Variants in LRRC58 observed in about 807,000 individuals in gnomAD.
LRRC58 encodes leucine rich repeat containing 58.
In LRRC58, 18 loss-of-function variants were observed where a neutral mutation model predicts 30.6. That is an observed-to-expected ratio of 0.59 (90% CI 0.41 to 0.87). The LOEUF (loss-of-function observed/expected upper bound fraction) is 0.87, where lower values mean the gene tolerates loss of function less well. Among genes scored for constraint, LRRC58 ranks in the 40% least tolerant of loss-of-function variants. The probability of loss-of-function intolerance (pLI) is 0.00; values close to 1 mark genes in which losing one functional copy is unlikely to be tolerated. For missense variants in LRRC58, 420 were observed against 468.4 expected (o/e 0.90, Z 0.95); for synonymous variants, 221 against 206.0 (o/e 1.07, Z -0.62).
chr3:120,324,845 TAC>T lies in LRRC58; in HGVS notation c.*6353_*6354del, dbSNP rs1350228580. 2.0e-5 allele frequency: 3 copies of T among 152,202 alleles called. No homozygotes were observed. The highest frequency in any genetic ancestry group is 4.4e-5 in the Non-Finnish European group (3 of 68,022). The allele number at this position is 152,202 out of a possible 1,614,324, so 9.4% of individuals were successfully genotyped here. A position where few individuals can be genotyped will look rare whatever the true frequency, so the allele number is the denominator to read the frequency against. ...AAATTGTTGAATCATGTTGCTGAAT[TAC>T]ACTTATTTCTACCATTAAGTTTTAC... On this transcript the variant is annotated 3_prime_UTR_variant, in exon 4 of 4. Transcript: ENST00000295628.
chr3:120,338,941 C>A (rs1421486250), intron 1 of LRRC58, among the ~76,000 whole-genome samples: 1 of 152,152 alleles, frequency 6.6e-6, no homozygotes, highest in Non-Finnish European at 1.5e-5. Context: ...CAGACTGGAG[C>A]CTAATCCAGT....
intron 1 of LRRC58, among the ~76,000 whole-genome samples, chr3:120,342,626 C>G (rs930776347): frequency 6.6e-6 from 1 of 152,212 alleles, no homozygotes; most frequent in Non-Finnish European, 1.5e-5. Context: ...CACCTGCCTA[C>G]AGAGAGGAGC....
Position 120,331,417 on chromosome 3 carries a change from A to G in LRRC58, c.908-9T>C. On this transcript the variant is annotated splice_polypyrimidine_tract_variant and intron_variant, in intron 3 of 3. Coordinates refer to ENST00000295628, the MANE Select transcript of LRRC58 (RefSeq NM_001099678.2). The stretch of plus-strand genomic sequence containing the variant: ...GCAGTCAAAGTAGACTCCTAAAGAG[A>G]AGAAGGAATAGAAAGTAATCATTAC... 1 of 1,600,236 alleles carries G rather than the reference A, an allele frequency of 6.2e-7. No individual in the cohort carries two copies.
rs1262918778 is a variant in LRRC58 at position 120,329,838 on chromosome 3, T to G, written c.*1362A>C. 6.6e-6 allele frequency: 1 copy of G among 152,084 alleles called. No individual in the cohort carries two copies. Among genetic ancestry groups the G allele is most frequent in the Non-Finnish European group, 1.5e-5 (1 of 67,922 alleles). 9.4% of individuals were successfully genotyped at this position (152,084 alleles called of 1,614,324 possible). On this transcript the variant is annotated 3_prime_UTR_variant, in exon 4 of 4. Coordinates refer to ENST00000295628, the MANE Select transcript of LRRC58 (RefSeq NM_001099678.2). Reference sequence around the variant, plus strand: ...ATTACCAGTAAGCACTTACTTTATATCAACTTATAGTTGTACTATTATTCA... The same window carrying G: ...ATTACCAGTAAGCACTTACTTTATAGCAACTTATAGTTGTACTATTATTCA...
At chr3:120,335,224 G>A in intron 2 of LRRC58, 85 bp from the exon 3 acceptor site, 1 of 1,181,924 alleles carries the variant, frequency 8.5e-7, no homozygotes, top group African/African-American at 1.5e-5. Flanking sequence ...TACAGAACTT[G>A]ATTTCCCCTT....
At chr3:120,331,495 T>G in intron 3 of LRRC58, 87 bp from the exon 4 acceptor site, 6 of 935,208 alleles carry the variant, frequency 6.4e-6, no homozygotes, top group African/African-American at 1.6e-5. Flanking sequence ...TCTGGAGAAA[T>G]GTCATACACC....
intron 3 of LRRC58, 103 bp from the exon 4 acceptor site, chr3:120,331,511 C>G: frequency 1.2e-6 from 1 of 836,012 alleles, no homozygotes; most frequent in Non-Finnish European, 2.0e-6. Context: ...ACACCATCTT[C>G]TGTTATGAAT....
chr3:120,338,689 G>A lies in LRRC58; in HGVS notation c.501-2736C>T, dbSNP rs183336840. ...CAACACAGCCAGTTTGACTAGATGA[G>A]TAGATCAGAATGACTGAGGTGGGAC... On this transcript the variant is annotated intron_variant, in intron 1 of 3. Transcript: ENST00000295628. Among the ~76,000 whole-genome samples the A allele has an allele frequency of 1.3e-4, 20 of 152,356 alleles. No homozygotes were observed. In the East Asian group the frequency reaches 1.5e-3, roughly 12 times the overall value.
rs1935755305 is a variant in LRRC58 at position 120,331,401 on chromosome 3, G to A, written c.915C>T (p.Tyr305=). 1 of 1,612,228 alleles carries A rather than the reference G, an allele frequency of 6.2e-7. No individual in the cohort carries two copies. The highest frequency in any genetic ancestry group is 8.5e-7 in the Non-Finnish European group (1 of 1,178,296). ...NCPNPKCGGV[Y]FDCCVRQIKF... is the part of the protein sequence containing the mutation. ...TAATTTGTCTGACACAGCAGTCAAA[G>A]TAGACTCCTAAAGAGAAGAAGGAAT... Residue 305 remains tyrosine, a synonymous_variant, in exon 4 of 4, where the codon TAC becomes TAT. Coordinates refer to ENST00000295628, the MANE Select transcript of LRRC58 (RefSeq NM_001099678.2).
chr3:120,335,546 T>A (rs1430679752), intron 2 of LRRC58, among the ~76,000 whole-genome samples: 1 of 152,146 alleles, frequency 6.6e-6, no homozygotes, highest in African/African-American at 2.4e-5. Flanking sequence ...AAATATAAAA[T>A]CACTAAAAGT....
At chr3:120,347,854 A>G (rs1057141254) in intron 1 of LRRC58, among the ~76,000 whole-genome samples, 5 of 152,022 alleles carry the variant, frequency 3.3e-5, no homozygotes, top group South Asian at 2.1e-4. Context: ...CCACTCCCCC[A>G]CCGGGCACTT....
chr3:120,343,387 T>A (rs1338932245), intron 1 of LRRC58, among the ~76,000 whole-genome samples: 1 of 152,220 alleles, frequency 6.6e-6, no homozygotes, highest in Non-Finnish European at 1.5e-5. Flanking sequence ...GTTGTTGAAT[T>A]TGTAGCAAAA....
At chr3:120,346,838 T>C (rs1450073966) in intron 1 of LRRC58, among the ~76,000 whole-genome samples, 1 of 152,146 alleles carries the variant, frequency 6.6e-6, no homozygotes, top group Non-Finnish European at 1.5e-5. Flanking sequence ...CTCTTCACCC[T>C]CTCCTCACTC....
At chr3:120,346,300 A>C (rs951388324) in intron 1 of LRRC58, among the ~76,000 whole-genome samples, 2 of 152,000 alleles carry the variant, frequency 1.3e-5, no homozygotes, top group African/African-American at 2.4e-5. Context: ...ACAAGCAAAA[A>C]ACCATGACCC....
intron 1 of LRRC58, among the ~76,000 whole-genome samples, chr3:120,345,845 T>G (rs1935961684): frequency 1.3e-5 from 2 of 152,190 alleles, no homozygotes; most frequent in Non-Finnish European, 2.9e-5. Flanking sequence ...AAAGACACAA[T>G]GAACAATAAA....
rs1935650992 is a variant in LRRC58 at position 120,324,790 on chromosome 3, A to G, written c.*6410T>C. 6.6e-6 allele frequency: 1 copy of G among 152,166 alleles called. No homozygotes were observed. The highest frequency in any genetic ancestry group is 1.5e-5 in the Non-Finnish European group (1 of 68,020). 9.4% of individuals were successfully genotyped at this position (152,166 alleles called of 1,614,324 possible). A position where few individuals can be genotyped will look rare whatever the true frequency, so the allele number is the denominator to read the frequency against. ...GGCAATATATAAATTTGATATTAAT[A>G]TAATAAACAATAACTTATCCTAAAT... On this transcript the variant is annotated 3_prime_UTR_variant, in exon 4 of 4. Transcript: ENST00000295628.
At position 120,348,902 on chromosome 3, in the gene LRRC58, G is replaced by A. The variant is rs1458419588; in HGVS notation, c.342C>T (p.Ala114=). The part of the protein sequence containing the change: ...GGPSALPKGL[A]QSPLCRSLQV... The stretch of plus-strand genomic sequence containing the variant: ...GGAGGCTGCGGCAGAGCGGCGACTG[G>A]GCCAGGCCCTTGGGCAGCGCACTGG... The change falls in exon 1 of 4, where the codon GCC becomes GCT. Residue 114 remains alanine, a synonymous_variant. Coordinates refer to ENST00000295628, the MANE Select transcript of LRRC58 (RefSeq NM_001099678.2). 1 of 1,573,686 alleles carries A rather than the reference G, an allele frequency of 6.4e-7. No homozygotes were observed. Among genetic ancestry groups the A allele is most frequent in the Non-Finnish European group, 8.6e-7 (1 of 1,161,194 alleles).
At position 120,349,350 on chromosome 3, in the gene LRRC58, G is replaced by T; in HGVS notation, c.-107C>A. On this transcript the variant is annotated 5_prime_UTR_variant, in exon 1 of 4. Coordinates refer to ENST00000295628, the MANE Select transcript of LRRC58 (RefSeq NM_001099678.2). ...GGAACCTGAACCGAGGGCTGAGTCG[G>T]AAGTGGCGCGGGCGGGCGCAAACCC... 1 of 1,190,018 alleles carries T rather than the reference G, an allele frequency of 8.4e-7. No homozygotes were observed. The highest frequency in any genetic ancestry group is 1.1e-6 in the Non-Finnish European group (1 of 925,476). The allele number at this position is 1,190,018 out of a possible 1,614,324, so 73.7% of individuals were successfully genotyped here.
Position 120,348,994 on chromosome 3 carries a change from C to T in LRRC58, c.250G>A (p.Gly84Arg). The T allele has an allele frequency of 6.6e-7, 1 of 1,524,654 alleles. No homozygotes were observed. Among genetic ancestry groups the T allele is most frequent in the Non-Finnish European group, 8.8e-7 (1 of 1,142,756 alleles). The allele number at this position is 1,524,654 out of a possible 1,614,324, so 94.4% of individuals were successfully genotyped here. ...DVSGNALTALGPELLALRGLR... is the reference protein window; with the variant it reads ...DVSGNALTALRPELLALRGLR... ...CCGCGCAGAGCGAGCAGCTCCGGCC[C>T]GAGCGCGGTCAACGCGTTGCCGCTC... is the stretch of plus-strand genomic sequence containing the variant. The change falls in exon 1 of 4, where the codon GGG becomes AGG. Residue 84 changes from glycine to arginine, a missense_variant. Physicochemically the swap from Gly to Arg is moderately radical, Grantham distance 125. This residue lies in a region of LRRC58 where 266 missense variants were observed against 251.7 expected (regional missense o/e 1.06). Coordinates refer to ENST00000295628, the MANE Select transcript of LRRC58 (RefSeq NM_001099678.2).
Sources: allele counts gnomAD v4.1 joint callset (sites outside exome capture counted in the v4.1 genomes callset), GRCh38; gene constraint gnomAD v4.1.1; regional missense constraint gnomAD v4.1.1; transcripts MANE v1.5; gene names NCBI Gene and HGNC (gene_info 2026-07-23, HGNC 2026-07-21).